Variants in IQGAP2 observed in about 807,000 individuals in gnomAD.
IQGAP2 encodes the protein IQ motif containing GTPase activating protein 2.
In IQGAP2, 173 loss-of-function variants were observed where a neutral mutation model predicts 201.3. That is an observed-to-expected ratio of 0.86 (90% CI 0.76 to 0.98). IQGAP2 has a LOEUF of 0.98. Among genes scored for constraint, IQGAP2 ranks in the 50% least tolerant of loss-of-function variants. The pLI, the probability that IQGAP2 is intolerant of heterozygous loss-of-function variation, is 0.00. For synonymous variants in IQGAP2, 675 were observed against 673.9 expected (o/e 1.00, Z -0.03); for missense variants, 1,687 against 1,864.8 (o/e 0.90, Z 1.76).
chr5:76,618,034 T>C, intron 13 of IQGAP2: 2 of 1,614,062 alleles, frequency 1.2e-6, no homozygotes, highest in Non-Finnish European at 1.7e-6. Context: ...AATGGCAGCA[T>C]ATATAAGAAA....
intron 33 of IQGAP2, among the ~76,000 whole-genome samples, 171 bp from the exon 34 acceptor site, chr5:76,700,905 A>C (rs980738327): frequency 3.3e-5 from 5 of 152,208 alleles, no homozygotes; most frequent in African/African-American, 1.2e-4. Context: ...TTAGTAGTGA[A>C]GTTGCACTCT....
At chr5:76,464,892 T>C (rs1454620137) in intron 2 of IQGAP2, among the ~76,000 whole-genome samples, 2 of 152,068 alleles carry the variant, frequency 1.3e-5, no homozygotes, top group African/African-American at 4.8e-5. Flanking sequence ...AAAAAACTAA[T>C]ATAAACAGAA....
intron 2 of IQGAP2, among the ~76,000 whole-genome samples, chr5:76,469,877 T>C (rs749137455): frequency 2.0e-4 from 30 of 152,314 alleles, no homozygotes; most frequent in Non-Finnish European, 3.5e-4. Flanking sequence ...GTCTTGTATA[T>C]GTATTAGTTG....
intron 21 of IQGAP2, among the ~76,000 whole-genome samples, chr5:76,662,604 C>T (rs996941144): frequency 2.0e-5 from 3 of 152,130 alleles, no homozygotes; most frequent in Non-Finnish European, 2.9e-5. Flanking sequence ...GGGAGTTGAA[C>T]GATTTACATA....
At chr5:76,583,613 A>G (rs1312027177) in intron 5 of IQGAP2, among the ~76,000 whole-genome samples, 1 of 152,208 alleles carries the variant, frequency 6.6e-6, no homozygotes. Context: ...AGATTCTTCC[A>G]TGTTCAGAAA....
At chr5:76,574,546 G>T (rs1745340390) in intron 4 of IQGAP2, among the ~76,000 whole-genome samples, 1 of 152,210 alleles carries the variant, frequency 6.6e-6, no homozygotes, top group South Asian at 2.1e-4. Context: ...TGGGATTATG[G>T]GCGTGAGCCA....
chr5:76,690,563 T>C (rs765610393), intron 30 of IQGAP2, among the ~76,000 whole-genome samples: 1 of 152,154 alleles, frequency 6.6e-6, no homozygotes, highest in Non-Finnish European at 1.5e-5. Context: ...TGAGCTCCTG[T>C]TTGAGAATGG....
intron 2 of IQGAP2, among the ~76,000 whole-genome samples, chr5:76,471,376 A>AC (rs70982612): frequency 1.8e-4 from 26 of 144,878 alleles, no homozygotes; most frequent in Admixed American, 4.8e-4. Context: ...AAAAAAAAAA[A>AC]AAAAAAAAAA....
intron 2 of IQGAP2, among the ~76,000 whole-genome samples, chr5:76,473,641 G>T (rs1396708500): frequency 6.6e-6 from 1 of 152,172 alleles, no homozygotes; most frequent in African/African-American, 2.4e-5. Context: ...GTGCCTTAAA[G>T]TATTATTAAG....
intron 15 of IQGAP2, 70 bp downstream of exon 15, chr5:76,632,096 T>A: frequency 7.6e-7 from 1 of 1,308,742 alleles, no homozygotes; most frequent in Non-Finnish European, 1.0e-6. Context: ...TATATTTTCT[T>A]AATTTTAAGA....
intron 2 of IQGAP2, among the ~76,000 whole-genome samples, chr5:76,548,990 C>T (rs1049874355): frequency 1.3e-5 from 2 of 152,128 alleles, no homozygotes; most frequent in Non-Finnish European, 2.9e-5. Context: ...AAAATGCTGG[C>T]ATACTTCCTG....
intron 1 of IQGAP2, among the ~76,000 whole-genome samples, chr5:76,438,517 A>G (rs1752846645): frequency 6.6e-6 from 1 of 151,884 alleles, no homozygotes; most frequent in African/African-American, 2.4e-5. Context: ...ATCTTGGCTC[A>G]CTGCAACCTC....
At chr5:76,697,310 T>A (rs1055273418) in intron 32 of IQGAP2, among the ~76,000 whole-genome samples, 2 of 152,220 alleles carry the variant, frequency 1.3e-5, no homozygotes, top group Admixed American at 1.3e-4. Context: ...AAATGTAAAC[T>A]TTTTTAGTTT....
intron 2 of IQGAP2, among the ~76,000 whole-genome samples, chr5:76,497,536 T>C (rs940722080): frequency 2.0e-5 from 3 of 152,254 alleles, no homozygotes; most frequent in African/African-American, 4.8e-5. Context: ...AACTTTCATT[T>C]GTTTTCTAAA....
chr5:76,448,735 C>G (rs1400932073), intron 1 of IQGAP2, among the ~76,000 whole-genome samples: 1 of 152,078 alleles, frequency 6.6e-6, no homozygotes, highest in Non-Finnish European at 1.5e-5. Context: ...AAACATGTTG[C>G]AAGAAAAAGC....
intron 29 of IQGAP2, 149 bp from the exon 30 acceptor site, chr5:76,683,627 A>G: frequency 1.7e-6 from 1 of 574,956 alleles, no homozygotes. Context: ...AAGCCACTTT[A>G]GCTATAGTAG....
chr5:76,521,806 T>C (rs1204886005), intron 2 of IQGAP2, among the ~76,000 whole-genome samples: 3 of 152,228 alleles, frequency 2.0e-5, no homozygotes, highest in Admixed American at 6.5e-5. Context: ...ACTCCCAGAA[T>C]TTCTGGTTCT....
In IQGAP2 at chr5:76,494,930, T is replaced by G. The variant is rs371976614; in HGVS notation, c.146+33261T>G. 9.2e-4 allele frequency among the ~76,000 whole-genome samples: 140 copies of G among 152,344 alleles called. 1 individual carries two copies. In the Middle Eastern group the frequency reaches 0.01, roughly 11 times the overall value. On this transcript the variant is annotated intron_variant, in intron 2 of 35. Transcript: ENST00000274364. ...AAAGTGAATTGGGACCTTTTTAAAT[T>G]CCCAGCTGGAAAGTTTCCATTTAGA...
At chr5:76,491,605 A>T (rs1376572802) in intron 2 of IQGAP2, among the ~76,000 whole-genome samples, 1 of 152,022 alleles carries the variant, frequency 6.6e-6, no homozygotes, top group Non-Finnish European at 1.5e-5. Context: ...CACCTGGCCG[A>T]TATGCAGGAT....
Sources: allele counts gnomAD v4.1 joint callset (sites outside exome capture counted in the v4.1 genomes callset), GRCh38; gene constraint gnomAD v4.1.1; transcripts MANE v1.5; gene names NCBI Gene and HGNC (gene_info 2026-07-23, HGNC 2026-07-21).